The following CASK variants were observed in gnomAD, a reference collection of about 807,000 sequenced individuals.
CASK encodes the protein peripheral plasma membrane protein CASK.
Under a neutral mutation model 82.9 loss-of-function variants are expected in CASK, and 4 were observed. The ratio of observed to expected loss-of-function variants is 0.05; its 90% CI spans 0.02 to 0.11. The LOEUF is 0.11. Among genes scored for constraint, CASK ranks in the 10% least tolerant of loss-of-function variants. The probability of loss-of-function intolerance (pLI) is 1.00; values close to 1 mark genes in which losing one functional copy is unlikely to be tolerated. For missense variants in CASK, 358 were observed against 720.9 expected (o/e 0.50, Z 5.76); for synonymous variants, 259 against 253.5 (o/e 1.02, Z -0.20).
intron 8 of CASK, among the ~76,000 whole-genome samples, chrX:41,644,699 T>C (rs1334371706): frequency 8.9e-6 from 1 of 112,151 alleles, no homozygotes; most frequent in African/African-American, 3.2e-5. Flanking sequence ...GAAATATCGC[T>C]GAATTCTTTT....
intron 3 of CASK, among the ~76,000 whole-genome samples, chrX:41,776,277 A>G (rs2069363169): frequency 8.9e-6 from 1 of 112,301 alleles, no homozygotes; most frequent in South Asian, 3.7e-4. Context: ...GGAATTTTTC[A>G]GCTCCATTAT....
intron 2 of CASK, among the ~76,000 whole-genome samples, chrX:41,822,573 A>G (rs1439312571): frequency 3.7e-5 from 4 of 108,155 alleles, no homozygotes; most frequent in Non-Finnish European, 5.8e-5. Flanking sequence ...AAAAAAAAAA[A>G]AAAAAAAAAG....
intron 16 of CASK, among the ~76,000 whole-genome samples, chrX:41,568,749 C>G (rs1044808014): frequency 8.9e-6 from 1 of 111,742 alleles, no homozygotes; most frequent in African/African-American, 3.3e-5. Flanking sequence ...GCCTATAATC[C>G]CAGCACTTTG....
chrX:41,529,506 C>G, intron 25 of CASK: 1 of 120,511 alleles, frequency 8.3e-6, no homozygotes, highest in South Asian at 2.3e-4. Flanking sequence ...CTGCAGCCAG[C>G]ATACTGCTAG....
intron 9 of CASK, among the ~76,000 whole-genome samples, chrX:41,630,178 T>G (rs1200084383): frequency 8.9e-6 from 1 of 112,303 alleles, no homozygotes; most frequent in Non-Finnish European, 1.9e-5. Flanking sequence ...ATAATTATAG[T>G]TTTCTTGAAA....
chrX:41,759,980 T>C (rs954608833), intron 3 of CASK, among the ~76,000 whole-genome samples: 4 of 111,756 alleles, frequency 3.6e-5, no homozygotes, highest in African/African-American at 9.7e-5. Context: ...TCAAGAGCTC[T>C]TGACCCCTAA....
At chrX:41,845,766 TTCTA>T (rs747945318) in intron 2 of CASK, among the ~76,000 whole-genome samples, 37 of 111,700 alleles carry the variant, frequency 3.3e-4, no homozygotes, top group South Asian at 7.4e-4. Context: ...ACTACTGGTT[TTCTA>T]TCTGTCTTTT....
intron 2 of CASK, among the ~76,000 whole-genome samples, chrX:41,829,256 C>T (rs1455229028): frequency 9.0e-6 from 1 of 111,048 alleles, no homozygotes; most frequent in Non-Finnish European, 1.9e-5. Context: ...CCAGCACCTC[C>T]GTAGCTCCCA....
intron 19 of CASK, 92 bp downstream of exon 19, chrX:41,556,940 T>C: frequency 1.5e-6 from 1 of 676,799 alleles, no homozygotes; most frequent in South Asian, 2.2e-5. Context: ...CAGAAGACAC[T>C]ATTTCCACTG....
intron 2 of CASK, among the ~76,000 whole-genome samples, chrX:41,831,529 G>A (rs753850264): frequency 3.6e-5 from 4 of 112,328 alleles, no homozygotes; most frequent in Non-Finnish European, 7.5e-5. Context: ...GTTATAGATA[G>A]AGTCTTTACT....
chrX:41,693,440 C>A (rs2067616192), intron 5 of CASK, among the ~76,000 whole-genome samples: 1 of 110,436 alleles, frequency 9.1e-6, no homozygotes, highest in Admixed American at 9.7e-5. Flanking sequence ...GTGGTGAAAC[C>A]CCATCTCTAC....
chrX:41,647,908 T>A (rs368443771), intron 8 of CASK, among the ~76,000 whole-genome samples: 2 of 111,634 alleles, frequency 1.8e-5, no homozygotes, highest in Non-Finnish European at 3.8e-5. Context: ...AATAATTGCA[T>A]TAACTGCACA....
At chrX:41,742,869 C>G (rs187598023) in intron 4 of CASK, among the ~76,000 whole-genome samples, 16 of 111,951 alleles carry the variant, frequency 1.4e-4, no homozygotes, top group Admixed American at 8.6e-4. Flanking sequence ...CTTTAATAAA[C>G]TGCCTCCAAA....
At chrX:41,529,222 G>T (rs2064760893) in intron 25 of CASK, among the ~76,000 whole-genome samples, 1 of 111,628 alleles carries the variant, frequency 9.0e-6, no homozygotes, top group African/African-American at 3.3e-5. Flanking sequence ...GTGCCCAGCC[G>T]GGGTGAGGAG....
rs770734916 is a variant in CASK at position 41,727,948 on chromosome X, A to T, written c.429+11436T>A. 5 of 1,175,421 alleles carry T rather than the reference A, an allele frequency of 4.3e-6. No individual in the cohort carries two copies. In the East Asian group the frequency reaches 1.5e-4, roughly 35 times the overall value. ...GGCCAGAAGTAGCACAGACCCCATT[A>T]TATTTCTTTTATTAGATAAAACATT... On this transcript the variant is annotated intron_variant, in intron 5 of 26. Coordinates refer to ENST00000378163, the MANE Select transcript of CASK (RefSeq NM_001367721.1).
chrX:41,671,295 G>A (rs768415689), intron 6 of CASK, 133 bp downstream of exon 6: 444 of 509,785 alleles, frequency 8.7e-4, no homozygotes, highest in Non-Finnish European at 1.5e-3. Flanking sequence ...ATCTGATGAT[G>A]CTTTTTGGGA....
chrX:41,607,059 T>G (rs1324114539), intron 12 of CASK, among the ~76,000 whole-genome samples: 1 of 112,793 alleles, frequency 8.9e-6, no homozygotes, highest in Non-Finnish European at 1.9e-5. Context: ...CAAATTGACC[T>G]GCACTGACAG....
At chrX:41,830,309 C>T (rs62589185) in intron 2 of CASK, among the ~76,000 whole-genome samples, 18,857 of 110,331 alleles carry the variant, frequency 0.17, 1,442 homozygotes, top group Middle Eastern at 0.3. Flanking sequence ...CTCTGAAATA[C>T]CTTTCAAGTC....
chrX:41,921,932 T>C (rs1428560487), intron 1 of CASK, among the ~76,000 whole-genome samples: 1 of 106,553 alleles, frequency 9.4e-6, no homozygotes, highest in African/African-American at 3.4e-5. Flanking sequence ...CGATCCTTAT[T>C]AAGCAAAAAT....
Sources: allele counts gnomAD v4.1 joint callset (sites outside exome capture counted in the v4.1 genomes callset), GRCh38; gene constraint gnomAD v4.1.1; transcripts MANE v1.5; gene names NCBI Gene and HGNC (gene_info 2026-07-23, HGNC 2026-07-21).